PREX2: variants seen among roughly 807,000 people sequenced by gnomAD.
PREX2 encodes the protein phosphatidylinositol 3,4,5-trisphosphate-dependent Rac exchanger 2 protein.
In PREX2, 107 loss-of-function variants were observed where a neutral mutation model predicts 203.2. The ratio of observed to expected loss-of-function variants is 0.53; its 90% CI spans 0.45 to 0.62. PREX2 has a LOEUF of 0.62. Ranked by LOEUF, PREX2 falls within the 20% of genes least tolerant of loss-of-function variation. The probability of loss-of-function intolerance (pLI) is 0.00; values close to 1 mark genes in which losing one functional copy is unlikely to be tolerated. For missense variants in PREX2, 1,777 were observed against 1,955.9 expected (o/e 0.91, Z 1.72); for synonymous variants, 672 against 663.6 (o/e 1.01, Z -0.19).
At chr8:67,983,177 A>G (rs1366718542) in intron 1 of PREX2, among the ~76,000 whole-genome samples, 1 of 152,220 alleles carries the variant, frequency 6.6e-6, no homozygotes, top group Non-Finnish European at 1.5e-5. Flanking sequence ...TCAAAAGCCA[A>G]CATTACTGTG....
chr8:67,966,169 C>T (rs1805771933), intron 1 of PREX2, among the ~76,000 whole-genome samples: 1 of 151,984 alleles, frequency 6.6e-6, no homozygotes, highest in South Asian at 2.1e-4. Flanking sequence ...TCAGATTCAC[C>T]TTTGATGATG....
At chr8:68,067,825 T>C (rs1477919210) in intron 11 of PREX2, among the ~76,000 whole-genome samples, 2 of 152,074 alleles carry the variant, frequency 1.3e-5, no homozygotes, top group Non-Finnish European at 2.9e-5. Context: ...TTTTGACCAT[T>C]GAGTATTATG....
At chr8:68,165,383 A>G (rs900928168) in intron 35 of PREX2, among the ~76,000 whole-genome samples, 14 of 152,240 alleles carry the variant, frequency 9.2e-5, no homozygotes, top group African/African-American at 3.1e-4. Context: ...CATCTTGTTC[A>G]TTGGGTGGTG....
chr8:68,142,960 G>A (rs1811255041), intron 33 of PREX2, among the ~76,000 whole-genome samples: 1 of 152,136 alleles, frequency 6.6e-6, no homozygotes, highest in Non-Finnish European at 1.5e-5. Flanking sequence ...ATTTGGTGTT[G>A]TCAGTGTTCT....
chr8:68,151,735 T>C (rs1811439111), intron 34 of PREX2, among the ~76,000 whole-genome samples: 1 of 151,974 alleles, frequency 6.6e-6, no homozygotes, highest in Non-Finnish European at 1.5e-5. Flanking sequence ...TGCTGGTCTT[T>C]TCTCTGCCAG....
chr8:68,019,516 A>G (rs1807502842), intron 2 of PREX2, 33 bp from the exon 3 acceptor site: 1 of 1,581,926 alleles, frequency 6.3e-7, no homozygotes, highest in Non-Finnish European at 8.6e-7. Flanking sequence ...TTGCTTCACT[A>G]CTGAGCTTAC....
rs753574278 is a variant in PREX2, at chr8:68,053,121, T to C, written c.968T>C (p.Ile323Thr). The C allele has an allele frequency of 1.9e-6, 3 of 1,613,484 alleles. No homozygotes were observed. The highest frequency in any genetic ancestry group is 1.1e-5 in the South Asian group (1 of 91,032). ...GTADFHSSGH[I>T]VVNGWKIHNT... ...GCTGATTTCCATAGCAGTGGACACA[T>C]TGTTGTTAATGGATGGAAGATACAT... The change falls in exon 9 of 40, where the codon ATT becomes ACT. Residue 323 changes from isoleucine (I) to threonine (T), a missense_variant. Coordinates refer to ENST00000288368, the MANE Select transcript of PREX2 (RefSeq NM_024870.4).
chr8:68,224,571 C>A lies in PREX2; in HGVS notation c.4720C>A (p.Gln1574Lys). 6.2e-7 allele frequency: 1 copy of A among 1,613,754 alleles called. No homozygotes were observed. Among genetic ancestry groups the A allele is most frequent in the Non-Finnish European group, 8.5e-7 (1 of 1,179,766 alleles). The change falls in exon 39 of 40, where the codon CAG becomes AAG. Residue 1574 changes from glutamine (Q) to lysine (K), a missense_variant. By Grantham distance (53) the Gln-to-Lys change is moderately conservative. Coordinates refer to ENST00000288368, the MANE Select transcript of PREX2 (RefSeq NM_024870.4). The stretch of plus-strand genomic sequence containing the variant: ...TCCTGACTTTCAGGGAGCAAGAGTT[C>A]AGAACACAGCGAAGAATTTGGGAGT... ...DVMRKQGARV[Q>K]NTAKNLGVRD...
chr8:68,072,399 C>A, intron 13 of PREX2, 96 bp from the exon 14 acceptor site: 2 of 646,672 alleles, frequency 3.1e-6, no homozygotes, highest in South Asian at 2.0e-5. Flanking sequence ...TTCTCTGTTG[C>A]ATATTGATAC....
At position 68,210,247 on chromosome 8, in the gene PREX2, T is replaced by C. The variant is rs563606888; in HGVS notation, c.4605-7369T>C. ...AAAGTTTACATTTCCCATTTGTAAT[T>C]ACTTTAAAAAATTTTTTTACTGCAA... On this transcript the variant is annotated intron_variant, in intron 37 of 39. Coordinates refer to ENST00000288368, the MANE Select transcript of PREX2 (RefSeq NM_024870.4). Among the ~76,000 whole-genome samples the C allele has an allele frequency of 1.4e-4, 21 of 152,280 alleles. 1 individual carries two copies. In the South Asian group the frequency reaches 4.4e-3, roughly 32 times the overall value.
intron 1 of PREX2, among the ~76,000 whole-genome samples, chr8:67,972,601 C>T (rs1805957018): frequency 6.6e-6 from 1 of 152,196 alleles, no homozygotes; most frequent in African/African-American, 2.4e-5. Flanking sequence ...GAGCTCCCTT[C>T]ACTTCCCCGG....
At chr8:68,147,957 A>T (rs1195809848) in intron 34 of PREX2, among the ~76,000 whole-genome samples, 1 of 152,164 alleles carries the variant, frequency 6.6e-6, no homozygotes, top group Non-Finnish European at 1.5e-5. Flanking sequence ...TTAATCTAAA[A>T]TATGTTGGGC....
intron 15 of PREX2, among the ~76,000 whole-genome samples, chr8:68,079,077 C>T (rs1032429022): frequency 3.9e-5 from 6 of 152,094 alleles, no homozygotes; most frequent in African/African-American, 1.2e-4. Context: ...CCCAGCACTT[C>T]GAGAGGCCAA....
intron 20 of PREX2, among the ~76,000 whole-genome samples, chr8:68,092,010 A>T (rs763387495): frequency 6.6e-6 from 1 of 152,090 alleles, no homozygotes; most frequent in Admixed American, 6.5e-5. Context: ...GGTTCCTATG[A>T]GGTTACTGAC....
intron 2 of PREX2, among the ~76,000 whole-genome samples, chr8:68,019,289 C>T (rs1323210176): frequency 1.3e-5 from 2 of 152,188 alleles, no homozygotes; most frequent in African/African-American, 4.8e-5. Context: ...CCATGCAGCC[C>T]AGCTTTGAGA....
intron 30 of PREX2, among the ~76,000 whole-genome samples, chr8:68,125,531 G>C (rs929898044): frequency 3.3e-5 from 5 of 152,064 alleles, no homozygotes; most frequent in Non-Finnish European, 7.4e-5. Context: ...GTGTAGAAGA[G>C]AGCAGAGAAG....
At chr8:68,157,284 T>A in intron 34 of PREX2, 38 bp from the exon 35 acceptor site, 1 of 1,138,356 alleles carries the variant, frequency 8.8e-7, no homozygotes, top group Non-Finnish European at 1.3e-6. Flanking sequence ...AATTGAGTTA[T>A]AAAGTTGCTT....
At chr8:68,116,322 CTCTTT>C (rs1273986824) in intron 26 of PREX2, among the ~76,000 whole-genome samples, 2 of 152,034 alleles carry the variant, frequency 1.3e-5, no homozygotes, top group Non-Finnish European at 2.9e-5. Flanking sequence ...TCTTTTTTCT[CTCTTT>C]TCTTTTCATT....
At chr8:68,122,167 T>C (rs1810787531) in intron 30 of PREX2, among the ~76,000 whole-genome samples, 1 of 152,108 alleles carries the variant, frequency 6.6e-6, no homozygotes, top group South Asian at 2.1e-4. Context: ...CAGAGATGGC[T>C]TAAATGTTCT....
Sources: gnomAD v4.1 joint callset for allele counts (sites outside exome capture counted in the v4.1 genomes callset) on GRCh38, gnomAD v4.1.1 for gene constraint, MANE v1.5 for transcripts, NCBI Gene and HGNC (gene_info 2026-07-23, HGNC 2026-07-21) for gene names.